GPAM: variants seen among roughly 807,000 people sequenced by gnomAD.
The protein encoded by GPAM is glycerol-3-phosphate acyltransferase, mitochondrial.
GPAM carries 56 observed loss-of-function variants against 105.0 expected under a neutral mutation model. The ratio of observed to expected loss-of-function variants is 0.53; its 90% confidence interval spans 0.43 to 0.67. The LOEUF is 0.67. GPAM is among the 30% of genes least tolerant of loss of function. GPAM has a pLI of 0.00. For missense variants in GPAM, 855 were observed against 989.8 expected (o/e 0.86, Z 1.83); for synonymous variants, 368 against 354.4 (o/e 1.04, Z -0.43).
Position 112,166,508 on chromosome 10 carries a change from G to C in GPAM, c.1115C>G (p.Pro372Arg). 1 of 1,593,020 alleles carries C rather than the reference G, an allele frequency of 6.3e-7. No homozygotes were observed. The highest frequency in any genetic ancestry group is 1.3e-5 in the African/African-American group (1 of 74,584). The change falls in exon 12 of 22, where the codon CCT becomes CGT. Residue 372 changes from proline to arginine, a missense_variant. Pro to Arg is a moderately radical substitution (Grantham distance 103). Transcript: ENST00000348367. ...ACTCCACAGGCTCTCATTCTTCTTA[G>C]GTTTGCCCTAAATTCCAATAGTGAG... ...GHYNGEQLGK[P>R]KKNESLWSVA... is the part of the protein sequence containing the mutation.
intron 6 of GPAM, among the ~76,000 whole-genome samples, chr10:112,174,093 A>G (rs940983845): frequency 1.3e-5 from 1 of 79,904 alleles, no homozygotes; most frequent in Non-Finnish European, 2.7e-5. Context: ...TTTAATTCAA[A>G]TTTACTGGGT....
rs111711965 is a variant in GPAM, at chr10:112,180,844, A to G, written c.103-249T>C. On this transcript the variant is annotated intron_variant, in intron 3 of 21. Coordinates refer to ENST00000348367, the MANE Select transcript of GPAM (RefSeq NM_001244949.2). The stretch of plus-strand genomic sequence containing the variant: ...TTCAAAAATTTAAAAACTAAATTGT[A>G]GAAGGTCAAACAGACTTCTGACAGC... 4.4e-3 allele frequency among the ~76,000 whole-genome samples: 675 copies of G among 152,342 alleles called. 5 individuals carry two copies. The highest frequency in any genetic ancestry group is 0.015 in the African/African-American group (643 of 41,578).
chr10:112,165,500 G>A (rs1847198502), intron 12 of GPAM, among the ~76,000 whole-genome samples: 1 of 152,152 alleles, frequency 6.6e-6, no homozygotes, highest in Admixed American at 6.5e-5. Context: ...GGCCAGCCTG[G>A]CCAACATGGT....
At chr10:112,155,642 T>C in intron 20 of GPAM, 1 of 464,146 alleles carries the variant, frequency 2.2e-6, no homozygotes, top group Non-Finnish European at 3.9e-6. Context: ...ATATGCAACA[T>C]GTATGAATCT....
chr10:112,150,305 T>C lies in GPAM; in HGVS notation c.*3245A>G. Reference sequence around the variant, plus strand: ...TGCATTCAAACGTACAATACTTTCTTCTAGATCTGAATTAAAACCTTATTT... The same window carrying C: ...TGCATTCAAACGTACAATACTTTCTCCTAGATCTGAATTAAAACCTTATTT... On this transcript the variant is annotated 3_prime_UTR_variant, in exon 22 of 22. Coordinates refer to ENST00000348367, the MANE Select transcript of GPAM (RefSeq NM_001244949.2). 2 of 985,332 alleles carry C rather than the reference T, an allele frequency of 2.0e-6. No individual in the cohort carries two copies. The highest frequency in any genetic ancestry group is 9.4e-5 in the South Asian group (2 of 21,274). The allele number at this position is 985,332 out of a possible 1,614,324, so 61.0% of individuals were successfully genotyped here.
At position 112,168,856 on chromosome 10, in the gene GPAM, A is replaced by G. The variant is rs532455596; in HGVS notation, c.891T>C (p.His297=). 75 of 1,575,050 alleles carry G rather than the reference A, an allele frequency of 4.8e-5. No homozygotes were observed. The highest frequency in any genetic ancestry group is 8.1e-5 in the African/African-American group (6 of 74,168). The stretch of plus-strand genomic sequence containing the variant: ...GATAATTAGAGATCACACATACCCC[A>G]TGGAGCAAAGCTCTATAGAGAACAT... ...RKDVLYRALL[H]GHIVELLRQQ... The change falls in exon 10 of 22, where the codon CAT becomes CAC. Residue 297 remains histidine (H), a synonymous_variant. Transcript: ENST00000348367.
chr10:112,192,897 A>T (rs1321995755), intron 1 of GPAM, among the ~76,000 whole-genome samples: 3 of 152,198 alleles, frequency 2.0e-5, no homozygotes, highest in Non-Finnish European at 4.4e-5. Flanking sequence ...GCTATGTTGT[A>T]TGCAGGGGCC....
chr10:112,163,981 T>C (rs574042641), intron 13 of GPAM, among the ~76,000 whole-genome samples, 165 bp from the exon 14 acceptor site: 2 of 152,366 alleles, frequency 1.3e-5, no homozygotes, highest in Admixed American at 6.5e-5. Context: ...ATATACTACA[T>C]TATGGCCTGG....
chr10:112,190,062 T>C (rs1305827798), intron 1 of GPAM, among the ~76,000 whole-genome samples: 2 of 152,174 alleles, frequency 1.3e-5, no homozygotes. Context: ...AAATTCAAGA[T>C]TTCATTGGAT....
rs547918441 is a variant in GPAM, at chr10:112,211,251, C to G, written n.210+3917G>C. 2.6e-5 allele frequency among the ~76,000 whole-genome samples: 4 copies of G among 152,268 alleles called. No individual in the cohort carries two copies. In the South Asian group the frequency reaches 8.3e-4, roughly 32 times the overall value. On this transcript the variant is annotated intron_variant and non_coding_transcript_variant, in intron 1 of 3. Transcript: ENST00000480130. ...GAGTTTGGGCCTAGCTTCTCTCCAC[C>G]AGCAGAAGCACCTGGGGAAGAAGAG...
chr10:112,160,694 T>C lies in GPAM; in HGVS notation c.1669A>G (p.Ile557Val), dbSNP rs748557980. 114 of 1,613,772 alleles carry C rather than the reference T, an allele frequency of 7.1e-5. No homozygotes were observed. The highest frequency in any genetic ancestry group is 8.2e-5 in the Non-Finnish European group (97 of 1,179,836). Reference sequence around the variant, plus strand: ...GATGGGACAGTTGTGCTGGGGGTGATAAAAAACTCATCGTTCCTGCTAGTG... The same window carrying C: ...GATGGGACAGTTGTGCTGGGGGTGACAAAAAACTCATCGTTCCTGCTAGTG... The part of the protein sequence containing the change: ...THTSRNDEFF[I>V]TPSTTVPSVF... The change falls in exon 16 of 22, where the codon ATC (isoleucine) becomes GTC (valine). Residue 557 changes from isoleucine to valine, a missense_variant. Physicochemically the swap from Ile to Val is conservative, Grantham distance 29. Coordinates refer to ENST00000348367, the MANE Select transcript of GPAM (RefSeq NM_001244949.2).
At chr10:112,196,565 A>G (rs549908424) in intron 1 of GPAM, among the ~76,000 whole-genome samples, 95 of 152,320 alleles carry the variant, frequency 6.2e-4, no homozygotes, top group Non-Finnish European at 1.1e-3. Context: ...CTAGTTTCCA[A>G]TTATCTGAAT....
At chr10:112,173,326 T>C (rs1232773318) in intron 7 of GPAM, among the ~76,000 whole-genome samples, 1 of 152,176 alleles carries the variant, frequency 6.6e-6, no homozygotes, top group Admixed American at 6.6e-5. Flanking sequence ...AATAACATTT[T>C]ATACTGCAGA....
In GPAM at chr10:112,150,915, T is replaced by G. The variant is rs1360224601; in HGVS notation, c.*2635A>C. 8.1e-6 allele frequency: 8 copies of G among 985,140 alleles called. No individual in the cohort carries two copies. The East Asian group carries it at 9.1e-4, about 112-fold the overall frequency. The allele number at this position is 985,140 out of a possible 1,614,324, so 61.0% of individuals were successfully genotyped here. On this transcript the variant is annotated 3_prime_UTR_variant, in exon 22 of 22. Coordinates refer to ENST00000348367, the MANE Select transcript of GPAM (RefSeq NM_001244949.2). ...CCAGAAATATTTTCTCCATTTACCC[T>G]CATGACTTTGTGAAATTTAACAGAT...
intron 1 of GPAM, among the ~76,000 whole-genome samples, chr10:112,192,690 C>A (rs1427116637): frequency 6.6e-6 from 1 of 152,216 alleles, no homozygotes; most frequent in Non-Finnish European, 1.5e-5. Context: ...ATTGGGAACA[C>A]AGGCCGACCA....
At position 112,164,564 on chromosome 10, in the gene GPAM, G is replaced by A; in HGVS notation, c.1268C>T (p.Ser423Phe). The A allele has an allele frequency of 6.2e-7, 1 of 1,607,454 alleles. No individual in the cohort carries two copies. Among genetic ancestry groups the A allele is most frequent in the South Asian group, 1.1e-5 (1 of 90,946 alleles). Residue 423 changes from serine (S) to phenylalanine (F), a missense_variant, in exon 13 of 22, where the codon TCC (serine) becomes TTC (phenylalanine). Coordinates refer to ENST00000348367, the MANE Select transcript of GPAM (RefSeq NM_001244949.2). ...AGCTGGTAACAACGCTTGCTCCAGGGAAAGTAGAGCAGACACCGGTTTCTG... is the reference window on the plus strand; with the variant it reads ...AGCTGGTAACAACGCTTGCTCCAGGAAAAGTAGAGCAGACACCGGTTTCTG... ...QSQKPVSALL[S>F]LEQALLPAIL... is the part of the protein sequence containing the mutation.
chr10:112,166,338 A>T lies in GPAM; in HGVS notation c.1221+64T>A. 4.6e-6 allele frequency: 4 copies of T among 861,532 alleles called. 1 individual carries two copies. The highest frequency in any genetic ancestry group is 8.1e-6 in the Non-Finnish European group (4 of 493,076). 53.4% of individuals were successfully genotyped at this position (861,532 alleles called of 1,614,324 possible). ...ACACAGAGAGGTGCTGTTAAGAGTC[A>T]GCACTGGAGCCTCCTGACTCCAGGT... On this transcript the variant is annotated intron_variant, in intron 12 of 21. Transcript: ENST00000348367.
chr10:112,155,897 T>C lies in GPAM; in HGVS notation c.2278A>G (p.Ile760Val). ...EYLQKLHKYL[I>V]TRTERNVAVY... The stretch of plus-strand genomic sequence containing the variant: ...GCAACATTTCTTTCTGTTCTGGTTA[T>C]TAGGTATTTGTGCAACTTTTGCAGA... The change falls in exon 20 of 22, where the codon ATA becomes GTA. Residue 760 changes from isoleucine (I) to valine (V), a missense_variant. Ile to Val is a conservative substitution (Grantham distance 29, BLOSUM62 3). Coordinates refer to ENST00000348367, the MANE Select transcript of GPAM (RefSeq NM_001244949.2). 3 of 1,607,682 alleles carry C rather than the reference T, an allele frequency of 1.9e-6. No homozygotes were observed. Among genetic ancestry groups the C allele is most frequent in the Non-Finnish European group, 2.6e-6 (3 of 1,174,214 alleles).
intron 6 of GPAM, among the ~76,000 whole-genome samples, chr10:112,174,128 A>G (rs2255141): frequency 0.77 from 117,157 of 152,098 alleles, 46,012 homozygotes; most frequent in African/African-American, 0.94. Context: ...CCATTAAAGT[A>G]TGAGGGACAC....
Sources: gnomAD v4.1 joint callset for allele counts (sites outside exome capture counted in the v4.1 genomes callset) on GRCh38, gnomAD v4.1.1 for gene constraint, MANE v1.5 for transcripts, NCBI Gene and HGNC (gene_info 2026-07-23, HGNC 2026-07-21) for gene names.